The following TMEM156 variants were observed in gnomAD, a reference collection of about 807,000 sequenced individuals.
TMEM156 encodes transmembrane protein 156.
In TMEM156, 28 loss-of-function variants were observed where a neutral mutation model predicts 30.5. The ratio of observed to expected loss-of-function variants is 0.92; its 90% CI spans 0.68 to 1.26. The LOEUF is 1.26. Among genes scored for constraint, TMEM156 ranks in the 50% most tolerant of loss-of-function variants. The pLI, the probability that TMEM156 is intolerant of heterozygous loss-of-function variation, is 0.00. For missense variants in TMEM156, 351 were observed against 340.6 expected (o/e 1.03, Z -0.24); for synonymous variants, 137 against 119.9 (o/e 1.14, Z -0.93).
intron 1 of TMEM156, among the ~76,000 whole-genome samples, chr4:39,009,903 T>C (rs1250493136): frequency 2.0e-5 from 3 of 152,078 alleles, no homozygotes; most frequent in Non-Finnish European, 4.4e-5. Flanking sequence ...GCCAGGGCAA[T>C]CAAGCAAGAG....
chr4:38,983,134 G>C (rs1350273925), intron 5 of TMEM156, among the ~76,000 whole-genome samples: 1 of 152,106 alleles, frequency 6.6e-6, no homozygotes, highest in Non-Finnish European at 1.5e-5. Context: ...GACCATTCCT[G>C]ACATGCAACT....
At chr4:38,984,333 G>T (rs112580884) in intron 5 of TMEM156, among the ~76,000 whole-genome samples, 2 of 141,858 alleles carry the variant, frequency 1.4e-5, no homozygotes, top group Non-Finnish European at 1.5e-5. Flanking sequence ...CTTTCTCTCT[G>T]TCTCTCTCTC....
At chr4:38,972,025 G>A (rs983184145) in intron 5 of TMEM156, among the ~76,000 whole-genome samples, 6 of 152,010 alleles carry the variant, frequency 3.9e-5, no homozygotes, top group African/African-American at 1.5e-4. Context: ...CCAACCTCAG[G>A]TGATCCACCC....
chr4:38,998,688 C>T lies in TMEM156; in HGVS notation c.310G>A (p.Glu104Lys). 3 of 1,613,314 alleles carry T rather than the reference C, an allele frequency of 1.9e-6. No individual in the cohort carries two copies. Among genetic ancestry groups the T allele is most frequent in the East Asian group, 2.2e-5 (1 of 44,776 alleles). The change falls in exon 2 of 7, where the codon GAG becomes AAG. Residue 104 changes from glutamate (E) to lysine (K), a missense_variant. Transcript: ENST00000381938. ...ATAAAATCCATGTTTCCTTTAGACT[C>T]ACAAACCAAACACGAGGAGCACATT... ...FKMCSSCLVC[E>K]SKGNMDFISQ...
At chr4:38,983,099 G>A (rs2109901271) in intron 5 of TMEM156, among the ~76,000 whole-genome samples, 1 of 152,272 alleles carries the variant, frequency 6.6e-6, no homozygotes, top group East Asian at 1.9e-4. Flanking sequence ...AGAGGGGGGT[G>A]ACACCAGCGG....
rs1218473387 is a variant in TMEM156, at chr4:38,973,478, A to T, written c.824-2341T>A. Among the ~76,000 whole-genome samples, 10 of 152,196 alleles carry T rather than the reference A, an allele frequency of 6.6e-5. No individual in the cohort carries two copies. In the East Asian group the frequency reaches 1.9e-3, roughly 29 times the overall value. ...TACTTTATTTATAATTGTTTTAAAT[A>T]CAGTGTATCCTCTAACTGGTTATTG... is the stretch of plus-strand genomic sequence containing the variant. On this transcript the variant is annotated intron_variant, in intron 5 of 6. Transcript: ENST00000381938.
In TMEM156 at chr4:38,988,968, T is replaced by TA. The variant is rs756337805; in HGVS notation, c.621dup (p.Ile208TyrfsTer30). 6.2e-7 allele frequency: 1 copy of TA among 1,610,034 alleles called. No individual in the cohort carries two copies. Among genetic ancestry groups the TA allele is most frequent in the Non-Finnish European group, 8.5e-7 (1 of 1,177,748 alleles). Reference sequence around the variant, plus strand: ...CAAGTGATCTTCATGGAACAAGTGATATCTGTAAAGAAAACAAATACTGTA... The same window carrying TA: ...CAAGTGATCTTCATGGAACAAGTGATAATCTGTAAAGAAAACAAATACTGTA... On this transcript the variant is annotated frameshift_variant and splice_region_variant, in exon 4 of 7. Coordinates refer to ENST00000381938, the MANE Select transcript of TMEM156 (RefSeq NM_024943.3). LOFTEE classifies it high-confidence loss of function.
At chr4:39,001,214 C>CAAAAAAAAAAA (rs34945666) in intron 1 of TMEM156, among the ~76,000 whole-genome samples, 49 of 114,902 alleles carry the variant, frequency 4.3e-4, no homozygotes, top group Middle Eastern at 4.6e-3. Context: ...ACTAAAAATA[C>CAAAAAAAAAAA]AAAAAAAAAA....
intron 1 of TMEM156, among the ~76,000 whole-genome samples, chr4:39,027,815 G>A (rs1443907232): frequency 6.8e-6 from 1 of 148,086 alleles, no homozygotes; most frequent in African/African-American, 2.5e-5. Context: ...GGAGTGCAGT[G>A]GTGTAATCTC....
intron 5 of TMEM156, among the ~76,000 whole-genome samples, chr4:38,982,250 G>A (rs1233496405): frequency 1.3e-5 from 2 of 152,170 alleles, no homozygotes; most frequent in Non-Finnish European, 2.9e-5. Flanking sequence ...GACTCGGACT[G>A]GCTTCCTTAC....
At position 38,998,816 on chromosome 4, in the gene TMEM156, A is replaced by G; in HGVS notation, c.182T>C (p.Leu61Pro). Reference protein sequence around the residue: ...SSLNFSFVTFLQPVRETQIIM... With the variant: ...SSLNFSFVTFPQPVRETQIIM... ...AATCTGAGTTTCCCTTACTGGTTGC[A>G]GAAAAGTCACAAAAGAAAAATTTAA... Residue 61 changes from leucine to proline, a missense_variant, in exon 2 of 7, where the codon CTG becomes CCG. By Grantham distance (98) the Leu-to-Pro change is moderately conservative. Transcript: ENST00000381938. 1 of 1,613,940 alleles carries G rather than the reference A, an allele frequency of 6.2e-7. No homozygotes were observed.
intron 5 of TMEM156, among the ~76,000 whole-genome samples, chr4:38,983,205 T>C (rs11943282): frequency 0.47 from 71,589 of 152,018 alleles, 17,560 homozygotes; most frequent in African/African-American, 0.62. Context: ...TTTCCACGCT[T>C]AGTTTCCCTA....
chr4:39,001,058 A>G (rs1308402205), intron 1 of TMEM156, among the ~76,000 whole-genome samples: 1 of 152,084 alleles, frequency 6.6e-6, no homozygotes, highest in Non-Finnish European at 1.5e-5. Context: ...ACTAAGGAAT[A>G]GGCAACCTAT....
chr4:39,021,294 T>C lies in TMEM156; in HGVS notation c.88+10932A>G, dbSNP rs541198418. 5.3e-5 allele frequency among the ~76,000 whole-genome samples: 8 copies of C among 152,086 alleles called. No individual in the cohort carries two copies. The East Asian group carries it at 1.5e-3, about 29-fold the overall frequency. On this transcript the variant is annotated intron_variant, in intron 1 of 6. Transcript: ENST00000381938. Reference sequence around the variant, plus strand: ...TGACCCACACTTGCAGTCTTAGCTATTCAGGGGGCTGAGGTGGGTGGACCG... The same window carrying C: ...TGACCCACACTTGCAGTCTTAGCTACTCAGGGGGCTGAGGTGGGTGGACCG...
At chr4:38,996,994 C>T (rs1306837590) in intron 2 of TMEM156, among the ~76,000 whole-genome samples, 1 of 151,866 alleles carries the variant, frequency 6.6e-6, no homozygotes, top group African/African-American at 2.4e-5. Flanking sequence ...TAGCTAGGAC[C>T]CACACAAAAA....
At chr4:38,989,776 T>TTA (rs748431928) in intron 3 of TMEM156, among the ~76,000 whole-genome samples, 11 of 151,986 alleles carry the variant, frequency 7.2e-5, no homozygotes, top group Non-Finnish European at 1.5e-4. Context: ...ATTTTTTATT[T>TTA]TATTTTATTT....
At chr4:38,987,767 G>T (rs868837901) in intron 4 of TMEM156, among the ~76,000 whole-genome samples, 3 of 152,216 alleles carry the variant, frequency 2.0e-5, no homozygotes, top group Non-Finnish European at 2.9e-5. Flanking sequence ...GGATGTAAGG[G>T]ATGCTCACAT....
chr4:38,991,838 C>T (rs561058842), intron 3 of TMEM156, among the ~76,000 whole-genome samples: 13 of 152,116 alleles, frequency 8.5e-5, no homozygotes, highest in Non-Finnish European at 1.9e-4. Flanking sequence ...GATTTCACTA[C>T]AGTCACCTTC....
At position 38,987,238 on chromosome 4, in the gene TMEM156, T is replaced by C. The variant is rs564658920; in HGVS notation, c.740-819A>G. Among the ~76,000 whole-genome samples the C allele has an allele frequency of 5.9e-5, 9 of 152,356 alleles. No individual in the cohort carries two copies. In the East Asian group the frequency reaches 1.7e-3, roughly 29 times the overall value. ...AATTTTCAAAACTAAATACCCTACA[T>C]CTTAGTTCTGACATTTTACTAGCTG... On this transcript the variant is annotated intron_variant, in intron 4 of 6. Coordinates refer to ENST00000381938, the MANE Select transcript of TMEM156 (RefSeq NM_024943.3).
Sources: gnomAD v4.1 joint callset for allele counts (sites outside exome capture counted in the v4.1 genomes callset) on GRCh38, gnomAD v4.1.1 for gene constraint, MANE v1.5 for transcripts, NCBI Gene and HGNC (gene_info 2026-07-23, HGNC 2026-07-21) for gene names.